SLC2A13: variants seen among roughly 807,000 people sequenced by gnomAD.
The protein encoded by SLC2A13 is solute carrier family 2 member 13.
A neutral mutation model predicts 64.4 loss-of-function variants in SLC2A13; 32 were observed. That is an observed-to-expected ratio of 0.50 (90% CI 0.37 to 0.67). The LOEUF (loss-of-function observed/expected upper bound fraction) is 0.67, where lower values mean the gene tolerates loss of function less well. SLC2A13 is among the 30% of genes least tolerant of loss of function. SLC2A13 has a pLI of 0.00. For missense variants in SLC2A13, 743 were observed against 829.2 expected, an observed-to-expected ratio of 0.90 and a Z score of 1.28; for synonymous variants, 338 against 327.1, an observed-to-expected ratio of 1.03 and a Z score of -0.36.
At position 39,837,648 on chromosome 12, in the gene SLC2A13, AAAAC is replaced by A. The variant is rs1442585196; in HGVS notation, c.1320-7424_1320-7421del. ...TGAACTCCAACAAATTTACAAGAAA[AAAAC>A]AAACAACCCCATCAAAAAGTGGGCG... On this transcript the variant is annotated intron_variant, in intron 6 of 9. Coordinates refer to ENST00000280871, the MANE Select transcript of SLC2A13 (RefSeq NM_052885.4). 4.0e-5 allele frequency among the ~76,000 whole-genome samples: 6 copies of A among 151,030 alleles called. No homozygotes were observed. In the South Asian group the frequency reaches 8.4e-4, roughly 21 times the overall value.
At chr12:40,053,559 C>T (rs1167412944) in intron 1 of SLC2A13, among the ~76,000 whole-genome samples, 3 of 152,090 alleles carry the variant, frequency 2.0e-5, no homozygotes, top group Admixed American at 6.5e-5. Context: ...GACTAGCATA[C>T]ATAAACTTCT....
chr12:40,039,436 A>T (rs1427755927), intron 2 of SLC2A13, among the ~76,000 whole-genome samples: 2 of 152,070 alleles, frequency 1.3e-5, no homozygotes, highest in African/African-American at 4.8e-5. Context: ...CCATTTTGCT[A>T]TTTGCTATTT....
intron 3 of SLC2A13, among the ~76,000 whole-genome samples, chr12:39,959,021 T>C (rs751114345): frequency 1.3e-5 from 2 of 152,030 alleles, no homozygotes; most frequent in African/African-American, 2.4e-5. Context: ...AAATATTTCC[T>C]TGATGAATAT....
At chr12:39,977,423 C>G (rs1407014222) in intron 3 of SLC2A13, among the ~76,000 whole-genome samples, 1 of 152,196 alleles carries the variant, frequency 6.6e-6, no homozygotes, top group Non-Finnish European at 1.5e-5. Flanking sequence ...ATTATTTTGT[C>G]TCAGTGTTCA....
At chr12:39,772,119 T>A (rs2135725978) in intron 7 of SLC2A13, among the ~76,000 whole-genome samples, 1 of 152,284 alleles carries the variant, frequency 6.6e-6, no homozygotes, top group South Asian at 2.1e-4. Flanking sequence ...TGTATGGTCA[T>A]ATATTAATAT....
rs556784974 is a variant in SLC2A13, at chr12:39,886,441, G to T, written c.1035-14480C>A. Reference sequence around the variant, plus strand: ...GCAAAAAAAATCTATATGTATATATGAAGTGTGATCTGAAGAAGAAATGCA... The same window carrying T: ...GCAAAAAAAATCTATATGTATATATTAAGTGTGATCTGAAGAAGAAATGCA... On this transcript the variant is annotated intron_variant, in intron 4 of 9. Coordinates refer to ENST00000280871, the MANE Select transcript of SLC2A13 (RefSeq NM_052885.4). Among the ~76,000 whole-genome samples, 15 of 152,120 alleles carry T rather than the reference G, an allele frequency of 9.9e-5. No individual in the cohort carries two copies. The South Asian group carries it at 3.1e-3, about 32-fold the overall frequency.
chr12:39,885,855 C>T (rs986038237), intron 4 of SLC2A13, among the ~76,000 whole-genome samples: 1 of 152,150 alleles, frequency 6.6e-6, no homozygotes, highest in Non-Finnish European at 1.5e-5. Context: ...TCCTCCTACC[C>T]AGGATTCTGA....
At chr12:40,044,624 T>C (rs1948144800) in intron 2 of SLC2A13, among the ~76,000 whole-genome samples, 1 of 152,198 alleles carries the variant, frequency 6.6e-6, no homozygotes, top group African/African-American at 2.4e-5. Context: ...ATAGCAACAT[T>C]GATTCTGCTA....
chr12:39,893,012 G>C (rs1944650384), intron 4 of SLC2A13, among the ~76,000 whole-genome samples: 1 of 152,056 alleles, frequency 6.6e-6, no homozygotes, highest in Non-Finnish European at 1.5e-5. Flanking sequence ...TTTGCTTTAA[G>C]CTACTCTAAA....
intron 4 of SLC2A13, among the ~76,000 whole-genome samples, chr12:39,911,032 C>T (rs1945418569): frequency 6.6e-6 from 1 of 152,024 alleles, no homozygotes; most frequent in Non-Finnish European, 1.5e-5. Context: ...TGCAGTGAGC[C>T]AAGATCGTGC....
chr12:40,013,393 A>G (rs1282418510), intron 3 of SLC2A13, among the ~76,000 whole-genome samples: 2 of 152,198 alleles, frequency 1.3e-5, no homozygotes, highest in Non-Finnish European at 2.9e-5. Context: ...ATATTAAATC[A>G]TCCAATCTTT....
At chr12:39,878,905 C>T (rs7960814) in intron 4 of SLC2A13, among the ~76,000 whole-genome samples, 93,724 of 152,096 alleles carry the variant, frequency 0.62, 29,300 homozygotes, top group South Asian at 0.74. Flanking sequence ...ATCACAGGCC[C>T]AGAGGCCTAG....
chr12:39,896,495 CAT>C (rs1027349485), intron 4 of SLC2A13, among the ~76,000 whole-genome samples: 2 of 138,790 alleles, frequency 1.4e-5, no homozygotes, highest in African/African-American at 2.7e-5. Flanking sequence ...TATATGTACA[CAT>C]ATATGTATGT....
At chr12:39,805,850 G>T (rs1323615593) in intron 7 of SLC2A13, among the ~76,000 whole-genome samples, 1 of 152,180 alleles carries the variant, frequency 6.6e-6, no homozygotes, top group Non-Finnish European at 1.5e-5. Flanking sequence ...TATGTTTGCT[G>T]AAGGGACATT....
intron 4 of SLC2A13, among the ~76,000 whole-genome samples, chr12:39,899,827 T>C (rs1945035437): frequency 1.3e-5 from 2 of 152,172 alleles, no homozygotes; most frequent in African/African-American, 4.8e-5. Context: ...CTAGTTTGAT[T>C]GCACTGTGGT....
Position 39,756,868 on chromosome 12 carries a change from T to C in SLC2A13, c.*3158A>G, listed in dbSNP as rs970481447. 6.6e-6 allele frequency: 1 copy of C among 151,674 alleles called. No homozygotes were observed. Among genetic ancestry groups the C allele is most frequent in the South Asian group, 2.1e-4 (1 of 4,832 alleles). 9.4% of individuals were successfully genotyped at this position (151,674 alleles called of 1,614,324 possible). A position where few individuals can be genotyped will look rare whatever the true frequency, so the allele number is the denominator to read the frequency against. ...AATCAGGTTCAGTGGTAAAATTAAA[T>C]TATGAAAAAATAGTCGGTATTCTCA... On this transcript the variant is annotated 3_prime_UTR_variant, in exon 10 of 10. Coordinates refer to ENST00000280871, the MANE Select transcript of SLC2A13 (RefSeq NM_052885.4).
intron 1 of SLC2A13, among the ~76,000 whole-genome samples, chr12:40,079,007 A>T (rs1365567806): frequency 3.3e-5 from 5 of 151,890 alleles, no homozygotes; most frequent in Non-Finnish European, 7.4e-5. Flanking sequence ...CTCTGTGTTT[A>T]TTAGGATCTT....
intron 3 of SLC2A13, among the ~76,000 whole-genome samples, chr12:39,979,190 G>A (rs1946837013): frequency 7.4e-6 from 1 of 134,820 alleles, no homozygotes; most frequent in Non-Finnish European, 1.6e-5. Flanking sequence ...CATCATCAAA[G>A]ACCAAAAGTA....
In SLC2A13 at chr12:39,782,415, T is replaced by C. The variant is rs563316194; in HGVS notation, c.1446-17557A>G. Among the ~76,000 whole-genome samples the C allele has an allele frequency of 2.0e-5, 3 of 152,198 alleles. No homozygotes were observed. In the East Asian group the frequency reaches 5.8e-4, roughly 29 times the overall value. ...CGAAATCTGATGGGTTTGTCAGGGG[T>C]TTCTCCTTTTGCTTCCTCCTCATTT... is the stretch of plus-strand genomic sequence containing the variant. On this transcript the variant is annotated intron_variant, in intron 7 of 9. Transcript: ENST00000280871.
Sources: allele counts gnomAD v4.1 joint callset (sites outside exome capture counted in the v4.1 genomes callset), GRCh38; gene constraint gnomAD v4.1.1; transcripts MANE v1.5; gene names NCBI Gene and HGNC (gene_info 2026-07-23, HGNC 2026-07-21).